The following CLVS1 variants were observed in gnomAD, a reference collection of about 807,000 sequenced individuals.
CLVS1 encodes clavesin 1.
Under a neutral mutation model 33.1 loss-of-function variants are expected in CLVS1, and 10 were observed. The observed-to-expected ratio is 0.30, with a 90% CI of 0.19 to 0.51. The LOEUF (loss-of-function observed/expected upper bound fraction) is 0.51. Among genes scored for constraint, CLVS1 ranks in the 20% least tolerant of loss-of-function variants. The pLI is 0.97. For missense variants in CLVS1, 343 were observed against 433.4 expected (o/e 0.79, Z 1.85); for synonymous variants, 163 against 166.1 (o/e 0.98, Z 0.14).
chr8:61,405,722 T>C (rs1001073260), intron 3 of CLVS1, among the ~76,000 whole-genome samples: 6 of 150,902 alleles, frequency 4.0e-5, no homozygotes, highest in Admixed American at 1.3e-4. Flanking sequence ...TTTTTTTTTT[T>C]GCTCCTGGGG....
chr8:61,421,046 T>C (rs923501263), intron 3 of CLVS1, among the ~76,000 whole-genome samples: 8 of 151,882 alleles, frequency 5.3e-5, no homozygotes, highest in African/African-American at 1.5e-4. Flanking sequence ...TTGAGAGAAA[T>C]AGAAATTTAA....
chr8:61,211,557 T>C (rs866582092), intron 2 of CLVS1, among the ~76,000 whole-genome samples: 2 of 152,154 alleles, frequency 1.3e-5, no homozygotes, highest in Admixed American at 1.3e-4. Flanking sequence ...GGAGGGCAAG[T>C]CTTTGAGCTT....
intron 3 of CLVS1, among the ~76,000 whole-genome samples, chr8:61,440,191 G>A (rs1217530667): frequency 3.9e-5 from 6 of 152,128 alleles, no homozygotes; most frequent in African/African-American, 1.2e-4. Flanking sequence ...TTTACTCAAA[G>A]CAAGAGCTCA....
intron 2 of CLVS1, among the ~76,000 whole-genome samples, chr8:61,140,431 G>A (rs1162680901): frequency 1.3e-5 from 2 of 152,190 alleles, no homozygotes; most frequent in Non-Finnish European, 2.9e-5. Context: ...CCTATTAGAA[G>A]TGATACACTT....
In CLVS1 at chr8:61,500,326, CAT is replaced by C. The variant is rs377669016; in HGVS notation, c.*785_*786del. The C allele has an allele frequency of 1.8e-4, 27 of 152,280 alleles. No individual in the cohort carries two copies. Among genetic ancestry groups the C allele is most frequent in the East Asian group, 1.2e-3 (6 of 5,186 alleles). The allele number at this position is 152,280 out of a possible 1,614,324, so 9.4% of individuals were successfully genotyped here. A position where few individuals can be genotyped will look rare whatever the true frequency, so the allele number is the denominator to read the frequency against. On this transcript the variant is annotated 3_prime_UTR_variant, in exon 6 of 6. Transcript: ENST00000325897. ...CAGAGGAGATGTCTCATGAAAATCA[CAT>C]GTCAGTGATTAATGAATCCATTCCA...
At chr8:61,323,682 G>A (rs890074413) in intron 2 of CLVS1, among the ~76,000 whole-genome samples, 1 of 151,962 alleles carries the variant, frequency 6.6e-6, no homozygotes, top group African/African-American at 2.4e-5. Flanking sequence ...TTAAGTTCAG[G>A]GTTACAAGTG....
chr8:61,091,215 G>T (rs1336981663), intron 1 of CLVS1, among the ~76,000 whole-genome samples: 1 of 152,180 alleles, frequency 6.6e-6, no homozygotes, highest in Non-Finnish European at 1.5e-5. Flanking sequence ...GAGCGATGTG[G>T]CCAGGAGCCA....
intron 2 of CLVS1, among the ~76,000 whole-genome samples, chr8:61,188,988 T>C (rs917379811): frequency 5.9e-5 from 9 of 152,020 alleles, no homozygotes; most frequent in Admixed American, 2.0e-4. Context: ...ATTATACATT[T>C]AGATATATTG....
chr8:61,165,572 C>T (rs149184757), intron 2 of CLVS1, among the ~76,000 whole-genome samples: 4,006 of 152,264 alleles, frequency 0.026, 167 homozygotes, highest in African/African-American at 0.09. Flanking sequence ...AAGGTGGATG[C>T]GGTCACCTTC....
At chr8:61,081,564 GT>G (rs1354077965) in intron 1 of CLVS1, among the ~76,000 whole-genome samples, 1 of 152,166 alleles carries the variant, frequency 6.6e-6, no homozygotes. Flanking sequence ...AAGAGCCTTG[GT>G]GAGAAAAATA....
At chr8:61,368,426 G>A (rs1289768012) in intron 2 of CLVS1, among the ~76,000 whole-genome samples, 2 of 152,178 alleles carry the variant, frequency 1.3e-5, no homozygotes, top group Non-Finnish European at 2.9e-5. Flanking sequence ...TCTTCACTGT[G>A]TTTGTCCAAT....
At chr8:61,000,488 G>A in the CLVS1 span, among the ~76,000 whole-genome samples, 1 of 152,202 alleles carries the variant, frequency 6.6e-6, no homozygotes, top group Non-Finnish European at 1.5e-5. Flanking sequence ...GAGGGCACAG[G>A]AGACGTGAGA....
intron 1 of CLVS1, among the ~76,000 whole-genome samples, chr8:61,076,265 A>C (rs1322839484): frequency 6.6e-6 from 1 of 151,206 alleles, no homozygotes; most frequent in Non-Finnish European, 1.5e-5. Context: ...CTTTTCCCCT[A>C]TTTACAGTTT....
intron 1 of CLVS1, among the ~76,000 whole-genome samples, chr8:61,103,985 G>T (rs1202628040): frequency 6.6e-6 from 1 of 152,166 alleles, no homozygotes; most frequent in Non-Finnish European, 1.5e-5. Context: ...TCAGGGTCAT[G>T]ATACAATAGA....
intron 5 of CLVS1, among the ~76,000 whole-genome samples, chr8:61,480,034 A>G: frequency 6.6e-6 from 1 of 152,160 alleles, no homozygotes; most frequent in East Asian, 1.9e-4. Flanking sequence ...GGGGTCAGGG[A>G]CCCATTTGAG....
chr8:61,493,447 ACACCTTAATTTAT>A (rs2129608717), intron 5 of CLVS1, among the ~76,000 whole-genome samples: 1 of 152,350 alleles, frequency 6.6e-6, no homozygotes, highest in East Asian at 1.9e-4. Context: ...AACACTTTCC[ACACCTTAATTTAT>A]CTAATCCTCA....
the CLVS1 span, among the ~76,000 whole-genome samples, chr8:60,982,068 G>A: frequency 6.6e-6 from 1 of 152,208 alleles, no homozygotes; most frequent in African/African-American, 2.4e-5. Context: ...TCCAATGGCT[G>A]AACAGAGAAA....
chr8:61,459,753 T>C (rs908830498), intron 5 of CLVS1, among the ~76,000 whole-genome samples: 5 of 152,112 alleles, frequency 3.3e-5, no homozygotes, highest in African/African-American at 1.2e-4. Flanking sequence ...ATAAAAAACA[T>C]CTAATATTGT....
intron 2 of CLVS1, among the ~76,000 whole-genome samples, chr8:61,313,068 C>T (rs1354157480): frequency 6.6e-6 from 1 of 152,208 alleles, no homozygotes; most frequent in Non-Finnish European, 1.5e-5. Flanking sequence ...CATCACAGCT[C>T]TTCCCACCTT....
Sources: gnomAD v4.1 joint callset for allele counts (sites outside exome capture counted in the v4.1 genomes callset) on GRCh38, gnomAD v4.1.1 for gene constraint, MANE v1.5 for transcripts, NCBI Gene and HGNC (gene_info 2026-07-23, HGNC 2026-07-21) for gene names.